The following MSH6 variants were observed in gnomAD, a reference collection of about 807,000 sequenced individuals.
MSH6 encodes mutS homolog 6.
In MSH6, 85 loss-of-function variants were observed where a neutral mutation model predicts 119.1. The observed-to-expected ratio is 0.71, with a 90% confidence interval of 0.60 to 0.85. The LOEUF (loss-of-function observed/expected upper bound fraction) is 0.85, where lower values mean the gene tolerates loss of function less well. MSH6 is among the 40% of genes least tolerant of loss of function. MSH6 has a pLI of 0.00. For synonymous variants in MSH6, 830 were observed against 586.9 expected, an observed-to-expected ratio of 1.41 and a Z score of -5.99; for missense variants, 2,163 against 1,655.3, an observed-to-expected ratio of 1.31 and a Z score of -5.32.
At position 47,806,900 on chromosome 2, in the gene MSH6, G is replaced by GGTGGTAAATTCAGACAACATTATGATCT; in HGVS notation, c.*41_*68dup. 7.0e-7 allele frequency: 1 copy of GGTGGTAAATTCAGACAACATTATGATCT among 1,433,556 alleles called. No homozygotes were observed. Among genetic ancestry groups the GGTGGTAAATTCAGACAACATTATGATCT allele is most frequent in the Admixed American group, 1.7e-5 (1 of 59,364 alleles). 88.8% of individuals were successfully genotyped at this position (1,433,556 alleles called of 1,614,324 possible). ...AAGCTTTGAGTTGACTTCTGACAAA[G>GGTGGTAAATTCAGACAACATTATGATCT]GTGGTAAATTCAGACAACATTATGA... is the stretch of plus-strand genomic sequence containing the variant. On this transcript the variant is annotated 3_prime_UTR_variant, in exon 10 of 10. Transcript: ENST00000234420.
At chr2:47,809,770 T>G, downstream of MSH6, 1 of 1,065,592 alleles carries the variant, frequency 9.4e-7, no homozygotes, top group Non-Finnish European at 1.4e-6. Flanking sequence ...AAACCTGAAA[T>G]TAGCAAGCAA....
chr2:47,805,751 A>C (rs760198883), intron 7 of MSH6, 44 bp downstream of exon 7: 13 of 1,331,960 alleles, frequency 9.8e-6, no homozygotes, highest in South Asian at 5.9e-5. Context: ...TATCTTAAAA[A>C]CATTTGTACA....
At position 47,799,369 on chromosome 2, in the gene MSH6, T is replaced by C. The variant is rs786202869; in HGVS notation, c.1386T>C (p.Pro462=). 1.9e-6 allele frequency: 3 copies of C among 1,614,166 alleles called. No homozygotes were observed. Among genetic ancestry groups the C allele is most frequent in the Non-Finnish European group, 2.5e-6 (3 of 1,180,034 alleles). The part of the protein sequence containing the change: ...MKGNWAHSGF[P]EIAFGRYSDS... Reference sequence around the variant, plus strand: ...GCAACTGGGCCCATTCTGGCTTTCCTGAAATTGCATTTGGCCGTTATTCAG... The same window carrying C: ...GCAACTGGGCCCATTCTGGCTTTCCCGAAATTGCATTTGGCCGTTATTCAG... The change falls in exon 4 of 10, where the codon CCT becomes CCC. Residue 462 remains proline (P), a synonymous_variant. Coordinates refer to ENST00000234420, the MANE Select transcript of MSH6 (RefSeq NM_000179.3).
chr2:47,810,008 G>T, downstream of MSH6: 1 of 483,860 alleles, frequency 2.1e-6, no homozygotes, highest in Non-Finnish European at 3.6e-6. Context: ...GATTTAAACT[G>T]GTAAATTCAT....
Position 47,806,671 on chromosome 2 carries a change from G to A in MSH6, c.4001+20G>A. On this transcript the variant is annotated intron_variant, in intron 9 of 9. Transcript: ENST00000234420. ...ATTTCGGTAACTAACTAACTATAATGGAATTATAACTAACTGACCTTAAGT... is the reference window on the plus strand; with the variant it reads ...ATTTCGGTAACTAACTAACTATAATAGAATTATAACTAACTGACCTTAAGT... The A allele has an allele frequency of 6.3e-7, 1 of 1,591,016 alleles. No individual in the cohort carries two copies. Among genetic ancestry groups the A allele is most frequent in the Non-Finnish European group, 8.6e-7 (1 of 1,165,262 alleles).
At chr2:47,807,822 A>G, downstream of MSH6, 1 of 296,836 alleles carries the variant, frequency 3.4e-6, no homozygotes, top group Middle Eastern at 9.9e-4. Context: ...TGCTAGTTGT[A>G]AAAACACCAG....
In MSH6 at chr2:47,800,430, C is replaced by T. The variant is rs1553413804; in HGVS notation, c.2447C>T (p.Pro816Leu). 6.2e-7 allele frequency: 1 copy of T among 1,613,962 alleles called. No individual in the cohort carries two copies. The highest frequency in any genetic ancestry group is 8.5e-7 in the Non-Finnish European group (1 of 1,180,006). The change falls in exon 4 of 10, where the codon CCA (proline) becomes CTA (leucine). Residue 816 changes from proline (P) to leucine (L), a missense_variant. Pro to Leu is a moderately conservative substitution (Grantham distance 98). Coordinates refer to ENST00000234420, the MANE Select transcript of MSH6 (RefSeq NM_000179.3). ...GTTGTAGAGCTTCTAAAGAAGCTTCCAGATCTTGAGAGGCTACTCAGTAAA... is the reference window on the plus strand; with the variant it reads ...GTTGTAGAGCTTCTAAAGAAGCTTCTAGATCTTGAGAGGCTACTCAGTAAA... ...SEVVELLKKL[P>L]DLERLLSKIH...
At chr2:47,803,805 C>G in intron 5 of MSH6, 120 bp downstream of exon 5, 1 of 1,132,516 alleles carries the variant, frequency 8.8e-7, no homozygotes, top group Middle Eastern at 2.6e-4. Flanking sequence ...TAATAGGAAG[C>G]AAAGGGAAAT....
intron 6 of MSH6, 90 bp downstream of exon 6, chr2:47,805,117 T>C: frequency 1.1e-6 from 1 of 876,788 alleles, no homozygotes; most frequent in Non-Finnish European, 1.9e-6. Flanking sequence ...CTTTTAAATC[T>C]AATATTTGAT....
At chr2:47,794,355 T>C (rs552071550) in intron 2 of MSH6, among the ~76,000 whole-genome samples, 2 of 152,040 alleles carry the variant, frequency 1.3e-5, no homozygotes, top group Non-Finnish European at 2.9e-5. Context: ...CACTGCAATC[T>C]CTGTCTCCGG....
At chr2:47,808,283 A>ATT, downstream of MSH6, 2 of 1,612,710 alleles carry the variant, frequency 1.2e-6, no homozygotes, top group Non-Finnish European at 1.7e-6. Context: ...TAGAAAAGTG[A>ATT]GGGGGAAAGT....
rs1572698169 is a variant in MSH6 at position 47,783,375 on chromosome 2, G to C, written c.142G>C (p.Ala48Pro). ...GGCCTCTCCTTCCCCAGGCGGGGAT[G>C]CGGCCTGGAGCGAGGCTGGGCCTGG... ...PGASPSPGGDAAWSEAGPGPR... is the reference protein window; with the variant it reads ...PGASPSPGGDPAWSEAGPGPR... The change falls in exon 1 of 10, where the codon GCG (alanine) becomes CCG (proline). Residue 48 changes from alanine to proline, a missense_variant. Ala to Pro is a conservative substitution (Grantham distance 27, BLOSUM62 -1). Coordinates refer to ENST00000234420, the MANE Select transcript of MSH6 (RefSeq NM_000179.3). The C allele has an allele frequency of 6.3e-7, 1 of 1,594,848 alleles. No homozygotes were observed. The highest frequency in any genetic ancestry group is 8.5e-7 in the Non-Finnish European group (1 of 1,170,696).
At chr2:47,798,498 A>C in intron 3 of MSH6, 113 bp from the exon 4 acceptor site, 3 of 1,084,934 alleles carry the variant, frequency 2.8e-6, no homozygotes, top group Middle Eastern at 2.9e-4. Flanking sequence ...AAAATGAAAA[A>C]CAGTGGCTGC....
At chr2:47,801,363 T>TTTTTTTTTTTG (rs1669580803) in intron 4 of MSH6, 2 of 408,088 alleles carry the variant, frequency 4.9e-6, no homozygotes, top group Admixed American at 9.3e-5. Context: ...TTTCTTCAGT[T>TTTTTTTTTTTG]TTTTTTTTTT....
chr2:47,804,430 A>T (rs1669821396), intron 5 of MSH6, among the ~76,000 whole-genome samples: 1 of 152,080 alleles, frequency 6.6e-6, no homozygotes, highest in East Asian at 1.9e-4. Context: ...GCATTATAGT[A>T]TACTTCTGTT....
At chr2:47,783,784 G>T (rs1354240686) in intron 1 of MSH6, 2 of 542,172 alleles carry the variant, frequency 3.7e-6, no homozygotes, top group Non-Finnish European at 2.6e-6. Flanking sequence ...GCCAGGTGGG[G>T]GTGCTGGGCT....
At chr2:47,808,620 G>A, downstream of MSH6, 1 of 502,842 alleles carries the variant, frequency 2.0e-6, no homozygotes, top group Non-Finnish European at 3.5e-6. Flanking sequence ...TGTCTTCGGA[G>A]GGAAGAGAAA....
rs587779931 is a variant in MSH6, at chr2:47,801,120, A to T, written c.3137A>T (p.Asp1046Val). 6.2e-7 allele frequency: 1 copy of T among 1,612,368 alleles called. No homozygotes were observed. The highest frequency in any genetic ancestry group is 8.5e-7 in the Non-Finnish European group (1 of 1,179,950). The change falls in exon 4 of 10, where the codon GAC becomes GTC. Residue 1046 changes from aspartate (D) to valine (V), a missense_variant. Physicochemically the swap from Asp to Val is radical, Grantham distance 152. Coordinates refer to ENST00000234420, the MANE Select transcript of MSH6 (RefSeq NM_000179.3). Reference protein sequence around the residue: ...LFYNFDKNYKDWQSAVECIAV... With the variant: ...LFYNFDKNYKVWQSAVECIAV... ...TATAACTTTGATAAAAATTACAAGGACTGGCAGTCTGCTGTAGAGTGTATC... is the reference window on the plus strand; with the variant it reads ...TATAACTTTGATAAAAATTACAAGGTCTGGCAGTCTGCTGTAGAGTGTATC...
chr2:47,808,219 G>C, downstream of MSH6: 1 of 1,613,410 alleles, frequency 6.2e-7, no homozygotes, highest in Non-Finnish European at 8.5e-7. Flanking sequence ...GGATTAGACA[G>C]TGTTCCAGCA....
Sources: gnomAD v4.1 joint callset for allele counts (sites outside exome capture counted in the v4.1 genomes callset) on GRCh38, gnomAD v4.1.1 for gene constraint, MANE v1.5 for transcripts, NCBI Gene and HGNC (gene_info 2026-07-23, HGNC 2026-07-21) for gene names.